TLN2: variants seen among roughly 807,000 people sequenced by gnomAD.
TLN2 encodes talin 2.
A neutral mutation model predicts 294.7 loss-of-function variants in TLN2; 118 were observed. The ratio of observed to expected loss-of-function variants is 0.40; its 90% CI spans 0.34 to 0.47. The LOEUF (loss-of-function observed/expected upper bound fraction) is 0.47. Ranked by LOEUF, TLN2 falls within the 20% of genes least tolerant of loss-of-function variation. TLN2 has a pLI of 0.84. For synonymous variants in TLN2, 1,431 were observed against 1,304.5 expected (o/e 1.10, Z -2.09); for missense variants, 3,083 against 3,282.2 (o/e 0.94, Z 1.48).
At chr15:62,528,896 T>C (rs1423516698) in intron 1 of TLN2, among the ~76,000 whole-genome samples, 1 of 152,214 alleles carries the variant, frequency 6.6e-6, no homozygotes, top group South Asian at 2.1e-4. Context: ...CTTAGGCGTT[T>C]CATCTGTCCC....
At chr15:62,780,951 A>AC (rs1235338774) in intron 43 of TLN2, among the ~76,000 whole-genome samples, 189 bp from the exon 44 acceptor site, 2 of 152,144 alleles carry the variant, frequency 1.3e-5, no homozygotes, top group Non-Finnish European at 2.9e-5. Context: ...TCTCCTTGCC[A>AC]TGTACCCTGA....
At chr15:62,485,337 G>A (rs561473389) in intron 1 of TLN2, among the ~76,000 whole-genome samples, 1 of 152,336 alleles carries the variant, frequency 6.6e-6, no homozygotes, top group African/African-American at 2.4e-5. Context: ...AGGCTTGCAG[G>A]GAGATAAGTG....
chr15:62,599,387 A>G (rs191285167), intron 2 of TLN2, among the ~76,000 whole-genome samples: 8 of 152,292 alleles, frequency 5.3e-5, no homozygotes, highest in Middle Eastern at 3.4e-3. Context: ...GAAATTTTTT[A>G]TATTGATTGA....
At chr15:62,714,449 G>A (rs1485636803) in intron 22 of TLN2, among the ~76,000 whole-genome samples, 2 of 151,902 alleles carry the variant, frequency 1.3e-5, no homozygotes, top group Non-Finnish European at 2.9e-5. Context: ...TGATCCACCC[G>A]CCTCGGCCTC....
intron 12 of TLN2, chr15:62,687,720 C>T (rs1349445765): frequency 6.6e-6 from 1 of 152,084 alleles, no homozygotes; most frequent in Non-Finnish European, 1.5e-5. Flanking sequence ...AGAAAAAAAA[C>T]TGTGTAAAGA....
At chr15:62,632,559 C>T (rs1243332644) in intron 3 of TLN2, among the ~76,000 whole-genome samples, 1 of 152,284 alleles carries the variant, frequency 6.6e-6, no homozygotes, top group Admixed American at 6.5e-5. Context: ...ACATGGCACC[C>T]GCCAACTCTC....
chr15:62,411,433 G>GTA (rs1206421259), intron 1 of TLN2, among the ~76,000 whole-genome samples: 3 of 89,418 alleles, frequency 3.4e-5, no homozygotes, highest in African/African-American at 1.2e-4. Flanking sequence ...TAATGGATGT[G>GTA]TGTGTGTGTG....
In TLN2 at chr15:62,762,253, C is replaced by G. The variant is rs763271770; in HGVS notation, c.4780-19C>G. 6.2e-7 allele frequency: 1 copy of G among 1,613,682 alleles called. No homozygotes were observed. ...ATGTCTTCGACCCTGACTTTGATTT[C>G]TCTGCTGTTTGGTCTCAGGGTTCCC... On this transcript the variant is annotated intron_variant, in intron 38 of 58. Coordinates refer to ENST00000636159, the MANE Select transcript of TLN2 (RefSeq NM_015059.3).
intron 3 of TLN2, among the ~76,000 whole-genome samples, chr15:62,629,032 A>T (rs1224992942): frequency 6.6e-6 from 1 of 151,818 alleles, no homozygotes; most frequent in East Asian, 1.9e-4. Context: ...TCCTGTCTCT[A>T]AAAAAAATTT....
intron 11 of TLN2, among the ~76,000 whole-genome samples, chr15:62,679,956 T>C (rs1317860909): frequency 6.6e-6 from 1 of 152,232 alleles, no homozygotes; most frequent in Non-Finnish European, 1.5e-5. Flanking sequence ...ATCGAGTTAC[T>C]TTTGCATCAT....
intron 52 of TLN2, among the ~76,000 whole-genome samples, chr15:62,813,248 A>G (rs1355458539): frequency 1.3e-5 from 2 of 152,188 alleles, no homozygotes; most frequent in East Asian, 1.9e-4. Flanking sequence ...CTTGTGTGTT[A>G]CAAACTTGCA....
At chr15:62,685,069 T>C (rs1164164451) in intron 11 of TLN2, among the ~76,000 whole-genome samples, 2 of 151,750 alleles carry the variant, frequency 1.3e-5, no homozygotes, top group African/African-American at 4.8e-5. Context: ...ACACACTTAA[T>C]AGTGAAATTT....
chr15:62,712,503 A>T (rs917875397), intron 22 of TLN2, among the ~76,000 whole-genome samples: 1 of 152,240 alleles, frequency 6.6e-6, no homozygotes, highest in African/African-American at 2.4e-5. Context: ...TTCCTACTTT[A>T]CGGTTCTTTA....
chr15:62,792,724 C>G lies in TLN2; in HGVS notation c.5820C>G (p.Val1940=), dbSNP rs757966148. 9 of 1,613,974 alleles carry G rather than the reference C, an allele frequency of 5.6e-6. No homozygotes were observed. The highest frequency in any genetic ancestry group is 1.3e-5 in the African/African-American group (1 of 74,922). ...FLVQKAGALQ[V]CPTDSYTKRE... is the part of the protein sequence containing the mutation. ...TGCAGAAGGCAGGGGCCCTCCAGGT[C>G]TGCCCCACAGACAGCTACACCAAGA... Residue 1940 remains valine, a synonymous_variant, in exon 46 of 59, where the codon GTC becomes GTG. Coordinates refer to ENST00000636159, the MANE Select transcript of TLN2 (RefSeq NM_015059.3).
At chr15:62,706,890 A>G (rs1431413926) in intron 19 of TLN2, among the ~76,000 whole-genome samples, 196 bp from the exon 20 acceptor site, 1 of 152,240 alleles carries the variant, frequency 6.6e-6, no homozygotes. Flanking sequence ...AATGGATGTA[A>G]GAGACTGAGT....
Position 62,576,638 on chromosome 15 carries a change from GA to G in TLN2, c.-237-13042del, listed in dbSNP as rs1221020944. ...TTTTGCATTTTAAGAGACTGGAGGGGAAAAAAAGATAATGGAATGATTCCCC... is the reference window on the plus strand; with the variant it reads ...TTTTGCATTTTAAGAGACTGGAGGGGAAAAAAGATAATGGAATGATTCCCC... On this transcript the variant is annotated intron_variant, in intron 1 of 58. Transcript: ENST00000636159. Among the ~76,000 whole-genome samples the G allele has an allele frequency of 2.2e-4, 32 of 144,636 alleles. No homozygotes were observed. The East Asian group carries it at 3.4e-3, about 16-fold the overall frequency. The allele number at this position is 144,636 out of a possible 152,430, so 94.9% of individuals were successfully genotyped here.
chr15:62,439,393 C>T (rs992974539), intron 1 of TLN2, among the ~76,000 whole-genome samples: 1 of 151,994 alleles, frequency 6.6e-6, no homozygotes, highest in Admixed American at 6.6e-5. Flanking sequence ...GCTCACTGCA[C>T]CCTCCGCCTC....
At chr15:62,610,639 G>T (rs937255662) in intron 2 of TLN2, among the ~76,000 whole-genome samples, 1 of 152,176 alleles carries the variant, frequency 6.6e-6, no homozygotes, top group Non-Finnish European at 1.5e-5. Flanking sequence ...AAACGGAGAC[G>T]TTTAGGAGAC....
At chr15:62,642,975 T>C (rs1432700315) in intron 3 of TLN2, among the ~76,000 whole-genome samples, 1 of 152,226 alleles carries the variant, frequency 6.6e-6, no homozygotes, top group Non-Finnish European at 1.5e-5. Context: ...GTGCTGGGAT[T>C]ACAGGCGTGA....
Sources: allele counts gnomAD v4.1 joint callset (sites outside exome capture counted in the v4.1 genomes callset), GRCh38; gene constraint gnomAD v4.1.1; transcripts MANE v1.5; gene names NCBI Gene and HGNC (gene_info 2026-07-23, HGNC 2026-07-21).